Variants in ST6GALNAC3 observed in about 807,000 individuals in gnomAD.
ST6GALNAC3 encodes ST6 N-acetylgalactosaminide alpha-2,6-sialyltransferase 3.
A neutral mutation model predicts 32.7 loss-of-function variants in ST6GALNAC3; 25 were observed. The ratio of observed to expected loss-of-function variants is 0.76; its 90% CI spans 0.56 to 1.07. The LOEUF is 1.07. Ranked by LOEUF, ST6GALNAC3 falls within the 50% of genes least tolerant of loss-of-function variation. The pLI is 0.00. For synonymous variants in ST6GALNAC3, 129 were observed against 133.1 expected (o/e 0.97, Z 0.21); for missense variants, 355 against 382.4 (o/e 0.93, Z 0.60).
chr1:76,561,745 A>G (rs759839308), intron 3 of ST6GALNAC3, among the ~76,000 whole-genome samples: 3 of 152,228 alleles, frequency 2.0e-5, no homozygotes, highest in Admixed American at 6.5e-5. Flanking sequence ...GAGGCCACAC[A>G]TGATTCAGTA....
chr1:76,358,008 T>G lies in ST6GALNAC3; in HGVS notation c.213+44009T>G, dbSNP rs60926103. Among the ~76,000 whole-genome samples, 1,032 of 152,300 alleles carry G rather than the reference T, an allele frequency of 6.8e-3. 7 individuals are homozygous for G. The highest frequency in any genetic ancestry group is 0.024 in the African/African-American group (1,009 of 41,556). On this transcript the variant is annotated intron_variant, in intron 2 of 4. Coordinates refer to ENST00000328299, the MANE Select transcript of ST6GALNAC3 (RefSeq NM_152996.4). ...CTGCCAACATACTACACCTTTTTCA[T>G]TATTTTTATTAACTGACCTTCTGGC...
chr1:76,294,827 T>A (rs1660299940), intron 1 of ST6GALNAC3, among the ~76,000 whole-genome samples: 1 of 152,138 alleles, frequency 6.6e-6, no homozygotes, highest in Non-Finnish European at 1.5e-5. Context: ...CACTTGTCCA[T>A]CACTCTAAGA....
At chr1:76,592,254 G>T (rs1241484220) in intron 3 of ST6GALNAC3, among the ~76,000 whole-genome samples, 3 of 152,136 alleles carry the variant, frequency 2.0e-5, no homozygotes, top group African/African-American at 7.2e-5. Context: ...CAGAGATGAT[G>T]AGGTTTGGAG....
chr1:76,344,184 G>C (rs541843886), intron 2 of ST6GALNAC3, among the ~76,000 whole-genome samples: 1 of 152,218 alleles, frequency 6.6e-6, no homozygotes, highest in Non-Finnish European at 1.5e-5. Context: ...GCCTTGCTGA[G>C]ATTTAATCTG....
At chr1:76,257,173 C>A (rs1051802337) in intron 1 of ST6GALNAC3, among the ~76,000 whole-genome samples, 1 of 152,154 alleles carries the variant, frequency 6.6e-6, no homozygotes, top group Non-Finnish European at 1.5e-5. Context: ...AATGACAGTT[C>A]ATTTTCTTGG....
At chr1:76,474,192 G>A (rs1160007070) in intron 3 of ST6GALNAC3, among the ~76,000 whole-genome samples, 3 of 152,096 alleles carry the variant, frequency 2.0e-5, no homozygotes, top group Non-Finnish European at 4.4e-5. Flanking sequence ...AAAAACATGG[G>A]GACTGTCACT....
At chr1:76,427,482 A>G (rs1655471611) in intron 3 of ST6GALNAC3, among the ~76,000 whole-genome samples, 1 of 152,084 alleles carries the variant, frequency 6.6e-6, no homozygotes. Flanking sequence ...CAGTGACCCA[A>G]TATGTGCAAG....
At chr1:76,595,952 T>C (rs563340757) in intron 3 of ST6GALNAC3, among the ~76,000 whole-genome samples, 1 of 151,276 alleles carries the variant, frequency 6.6e-6, no homozygotes, top group Non-Finnish European at 1.5e-5. Context: ...GAAATTGCTT[T>C]TGAGTAGCAG....
chr1:76,513,616 C>A (rs1662004316), intron 3 of ST6GALNAC3, among the ~76,000 whole-genome samples: 1 of 151,972 alleles, frequency 6.6e-6, no homozygotes, highest in Non-Finnish European at 1.5e-5. Flanking sequence ...TATGTCGGGC[C>A]TTTTGTGGTT....
intron 1 of ST6GALNAC3, among the ~76,000 whole-genome samples, chr1:76,166,547 C>G (rs950070495): frequency 6.6e-6 from 1 of 151,994 alleles, no homozygotes; most frequent in Non-Finnish European, 1.5e-5. Flanking sequence ...AATGTCAATG[C>G]TAGTTTAACA....
At chr1:76,130,584 T>C (rs1326528883) in intron 1 of ST6GALNAC3, among the ~76,000 whole-genome samples, 1 of 152,202 alleles carries the variant, frequency 6.6e-6, no homozygotes, top group Non-Finnish European at 1.5e-5. Flanking sequence ...CTGGCCTGGC[T>C]CAGTCTTAGA....
intron 3 of ST6GALNAC3, chr1:76,576,776 G>A: frequency 8.4e-7 from 1 of 1,185,270 alleles, no homozygotes; most frequent in Admixed American, 2.3e-5. Context: ...GGTTCTGATA[G>A]CTAAAGTAGT....
At chr1:76,340,014 C>G (rs1178174607) in intron 2 of ST6GALNAC3, among the ~76,000 whole-genome samples, 1 of 152,138 alleles carries the variant, frequency 6.6e-6, no homozygotes, top group Non-Finnish European at 1.5e-5. Context: ...GAGCTAGGAG[C>G]TTGATTCTGA....
chr1:76,441,101 A>AAAAT (rs890918259), intron 3 of ST6GALNAC3, among the ~76,000 whole-genome samples: 4 of 151,686 alleles, frequency 2.6e-5, no homozygotes, highest in South Asian at 2.1e-4. Context: ...AAAAAAAAAA[A>AAAAT]AAAAAAATAA....
rs115643202 is a variant in ST6GALNAC3 at position 76,180,483 on chromosome 1, A to G, written c.18+105599A>G. 7.8e-3 allele frequency among the ~76,000 whole-genome samples: 1,185 copies of G among 152,254 alleles called. 13 individuals carry two copies. Among genetic ancestry groups the G allele is most frequent in the African/African-American group, 0.026 (1,090 of 41,550 alleles). On this transcript the variant is annotated intron_variant, in intron 1 of 4. Transcript: ENST00000328299. The stretch of plus-strand genomic sequence containing the variant: ...ACAAAGGCTCCACCCTCAAGCCTGG[A>G]TATCCCTGTCCCCAAGTGAGAACAG...
At chr1:76,278,376 C>T (rs1319357155) in intron 1 of ST6GALNAC3, among the ~76,000 whole-genome samples, 2 of 152,018 alleles carry the variant, frequency 1.3e-5, no homozygotes, top group Non-Finnish European at 2.9e-5. Flanking sequence ...GGCCCGCCAC[C>T]ATGCCCAGCT....
chr1:76,434,345 C>A (rs532546855), intron 3 of ST6GALNAC3, among the ~76,000 whole-genome samples: 13 of 152,294 alleles, frequency 8.5e-5, no homozygotes, highest in African/African-American at 3.1e-4. Flanking sequence ...TATAAACTGT[C>A]ATGTTTTAAG....
chr1:76,330,436 G>T (rs1428140216), intron 2 of ST6GALNAC3, among the ~76,000 whole-genome samples: 1 of 152,202 alleles, frequency 6.6e-6, no homozygotes, highest in Middle Eastern at 3.2e-3. Context: ...GATTACAGGC[G>T]TGAGCCCGTG....
At chr1:76,610,182 T>A (rs1050023071) in intron 3 of ST6GALNAC3, among the ~76,000 whole-genome samples, 7 of 152,222 alleles carry the variant, frequency 4.6e-5, no homozygotes, top group Admixed American at 3.9e-4. Context: ...TGAAATATTT[T>A]CTACAAAATA....
Sources: gnomAD v4.1 joint callset for allele counts (sites outside exome capture counted in the v4.1 genomes callset) on GRCh38, gnomAD v4.1.1 for gene constraint, MANE v1.5 for transcripts, NCBI Gene and HGNC (gene_info 2026-07-23, HGNC 2026-07-21) for gene names.